The following OTOA variants were observed in gnomAD, a reference collection of about 807,000 sequenced individuals.
The protein encoded by OTOA is otoancorin, also known as cancer/testis antigen 108.
A neutral mutation model predicts 110.8 loss-of-function variants in OTOA; 70 were observed. The ratio of observed to expected loss-of-function variants is 0.63; its 90% confidence interval spans 0.52 to 0.77. OTOA has a LOEUF of 0.77. Among genes scored for constraint, OTOA ranks in the 30% least tolerant of loss-of-function variants. The pLI is 0.00. For synonymous variants in OTOA, 373 were observed against 431.5 expected (o/e 0.86, Z 1.68); for missense variants, 917 against 1,075.8 (o/e 0.85, Z 2.06).
At chr16:21,693,469 C>T (rs901762004) in intron 9 of OTOA, among the ~76,000 whole-genome samples, 9 of 152,124 alleles carry the variant, frequency 5.9e-5, no homozygotes, top group East Asian at 1.9e-4. Context: ...TCTGCTCTTA[C>T]GGCCCTATTG....
At chr16:21,695,885 A>ATTTTT (rs1216474654) in intron 9 of OTOA, among the ~76,000 whole-genome samples, 8 of 50,496 alleles carry the variant, frequency 1.6e-4, no homozygotes, top group East Asian at 3.9e-4. Context: ...ATATATATAT[A>ATTTTT]TATATATTTT....
intron 15 of OTOA, among the ~76,000 whole-genome samples, chr16:21,717,789 C>T (rs1295232593): frequency 1.3e-5 from 2 of 152,108 alleles, no homozygotes; most frequent in Non-Finnish European, 2.9e-5. Context: ...GTGCGCCAGG[C>T]ACTGCTCACA....
chr16:21,693,007 C>G (rs1364133701), intron 9 of OTOA, among the ~76,000 whole-genome samples: 1 of 151,356 alleles, frequency 6.6e-6, no homozygotes, highest in Non-Finnish European at 1.5e-5. Flanking sequence ...GTAATCCCAG[C>G]ACTTTGGGAG....
chr16:21,756,422 G>A (rs465386), intron 27 of OTOA, among the ~76,000 whole-genome samples: 73 of 150,928 alleles, frequency 4.8e-4, no homozygotes, highest in Non-Finnish European at 7.0e-4. Flanking sequence ...TCTCTATGCC[G>A]TCTCACATTT....
At chr16:21,722,088 C>T (rs2141709367) in intron 17 of OTOA, among the ~76,000 whole-genome samples, 1 of 125,888 alleles carries the variant, frequency 7.9e-6, no homozygotes, top group African/African-American at 3.2e-5. Flanking sequence ...AAAAAACCCA[C>T]TAAAAATACA....
chr16:21,692,956 A>G (rs1339242096), intron 9 of OTOA, among the ~76,000 whole-genome samples: 1 of 149,916 alleles, frequency 6.7e-6, no homozygotes, highest in African/African-American at 2.4e-5. Context: ...GAAAGAAAGA[A>G]AAGAAAAGAA....
intron 22 of OTOA, among the ~76,000 whole-genome samples, chr16:21,736,640 G>A (rs529077543): frequency 1.3e-5 from 2 of 152,286 alleles, no homozygotes; most frequent in South Asian, 4.1e-4. Context: ...AGACCAGCCT[G>A]GCCAACATGG....
chr16:21,695,891 A>ATATATATATATTT (rs569493650), intron 9 of OTOA, among the ~76,000 whole-genome samples: 2 of 41,904 alleles, frequency 4.8e-5, no homozygotes, highest in African/African-American at 2.9e-4. Flanking sequence ...ATATATATAT[A>ATATATATATATTT]TTTTTTTTTT....
intron 8 of OTOA, among the ~76,000 whole-genome samples, chr16:21,689,129 C>T (rs547292136): frequency 4.6e-5 from 7 of 152,188 alleles, no homozygotes; most frequent in East Asian, 3.9e-4. Context: ...TTGCAACCAC[C>T]GCCAACTCCC....
chr16:21,694,887 A>G (rs1897900214), intron 9 of OTOA, among the ~76,000 whole-genome samples: 2 of 152,194 alleles, frequency 1.3e-5, no homozygotes, highest in Admixed American at 1.3e-4. Flanking sequence ...CAGGAATCAG[A>G]GTCTCACACT....
At chr16:21,679,141 T>C (rs1966870347) in intron 4 of OTOA, 43 bp from the exon 5 acceptor site, 3 of 1,613,676 alleles carry the variant, frequency 1.9e-6, no homozygotes, top group Non-Finnish European at 2.5e-6. Context: ...CTCTCTGGAA[T>C]GATTCCTTTT....
intron 9 of OTOA, among the ~76,000 whole-genome samples, chr16:21,697,249 A>G (rs1422475349): frequency 2.0e-5 from 3 of 152,196 alleles, no homozygotes; most frequent in East Asian, 3.9e-4. Context: ...ATTGAGTAAC[A>G]AGGTCTGAGG....
intron 13 of OTOA, among the ~76,000 whole-genome samples, chr16:21,712,569 G>A (rs563963170): frequency 7.3e-4 from 111 of 151,942 alleles, no homozygotes; most frequent in Admixed American, 1.3e-3. Context: ...GGCCAGGCAC[G>A]ATGGCTCACG....
intron 9 of OTOA, among the ~76,000 whole-genome samples, chr16:21,693,021 G>A (rs1373936838): frequency 6.6e-6 from 1 of 151,926 alleles, no homozygotes. Context: ...TTGGGAGGCT[G>A]AGACGGGCAG....
intron 20 of OTOA, 102 bp downstream of exon 20, chr16:21,728,533 A>G: frequency 1.5e-6 from 2 of 1,332,058 alleles, no homozygotes; most frequent in Non-Finnish European, 2.0e-6. Flanking sequence ...CTGGCTTAGG[A>G]TGAGATAAAA....
chr16:21,678,841 C>T lies in OTOA; in HGVS notation c.92-74C>T, dbSNP rs1966868715. 3.1e-5 allele frequency: 48 copies of T among 1,558,884 alleles called. No homozygotes were observed. In the South Asian group the frequency reaches 4.9e-4, roughly 16 times the overall value. ...TCATGAGTGGCTTTCTGGGGCTTTTCCTCTAACCCATATTTGTAGTTTTGA... is the reference window on the plus strand; with the variant it reads ...TCATGAGTGGCTTTCTGGGGCTTTTTCTCTAACCCATATTTGTAGTTTTGA... On this transcript the variant is annotated intron_variant, in intron 2 of 28. Coordinates refer to ENST00000646100, the MANE Select transcript of OTOA (RefSeq NM_144672.4).
At chr16:21,696,800 T>C (rs1303454583) in intron 9 of OTOA, among the ~76,000 whole-genome samples, 1 of 152,100 alleles carries the variant, frequency 6.6e-6, no homozygotes, top group African/African-American at 2.4e-5. Flanking sequence ...TGTTTCCAGA[T>C]TATTTAGTAA....
At chr16:21,673,011 G>A (rs1030076186) in intron 1 of OTOA, among the ~76,000 whole-genome samples, 15 of 152,222 alleles carry the variant, frequency 9.9e-5, no homozygotes, top group African/African-American at 3.4e-4. Context: ...AGCTGGGCAT[G>A]GTAGTGCATG....
intron 1 of OTOA, among the ~76,000 whole-genome samples, chr16:21,667,569 C>A (rs1022185988): frequency 2.0e-5 from 3 of 151,566 alleles, no homozygotes; most frequent in African/African-American, 7.3e-5. Flanking sequence ...CATGGTAACC[C>A]CAGCGTGGGT....
Sources: gnomAD v4.1 joint callset for allele counts (sites outside exome capture counted in the v4.1 genomes callset) on GRCh38, gnomAD v4.1.1 for gene constraint, MANE v1.5 for transcripts, NCBI Gene and HGNC (gene_info 2026-07-23, HGNC 2026-07-21) for gene names.